Variants in TRIM29 observed in about 807,000 individuals in gnomAD.
TRIM29 encodes the protein tripartite motif-containing protein 29.
A neutral mutation model predicts 57.3 loss-of-function variants in TRIM29; 52 were observed. The observed-to-expected ratio is 0.91, with a 90% CI of 0.73 to 1.14. TRIM29 has a LOEUF of 1.14. Among genes scored for constraint, TRIM29 ranks in the 50% most tolerant of loss-of-function variants. The pLI, the probability that TRIM29 is intolerant of heterozygous loss-of-function variation, is 0.00. For missense variants in TRIM29, 753 were observed against 774.6 expected (o/e 0.97, Z 0.33); for synonymous variants, 319 against 316.9 (o/e 1.01, Z -0.07).
rs1276168084 is a variant in TRIM29, at chr11:120,122,997, T to G, written c.1392A>C (p.Ala464=). Residue 464 remains alanine, a synonymous_variant, in exon 5 of 9, where the codon GCA becomes GCC. Transcript: ENST00000341846. ...TGGAGTATCTCTTCATGGTGTCCGG[T>G]GCACTCCACTCACCCCCGAAGCTGT... ...YTNSFGGEWS[A]PDTMKRYSMY... The G allele has an allele frequency of 6.2e-7, 1 of 1,614,072 alleles. No individual in the cohort carries two copies.
chr11:120,130,222 A>T (rs1863691285), intron 1 of TRIM29, among the ~76,000 whole-genome samples: 2 of 152,122 alleles, frequency 1.3e-5, no homozygotes, highest in South Asian at 4.2e-4. Context: ...AAGAGAGTGG[A>T]CTGGGGGTCT....
In TRIM29 at chr11:120,113,403, AC is replaced by A. The variant is rs373238758; in HGVS notation, c.1705-928del. ...GAAGAGCACAGCTTAGCTGCTGCTC[AC>A]CCACGCAAGCACCATCAGCCCCCGG... On this transcript the variant is annotated intron_variant, in intron 8 of 8. Coordinates refer to ENST00000341846, the MANE Select transcript of TRIM29 (RefSeq NM_012101.4). 58 of 291,100 alleles carry A rather than the reference AC, an allele frequency of 2.0e-4. No homozygotes were observed. In the East Asian group the frequency reaches 3.1e-3, roughly 16 times the overall value. 18.0% of individuals were successfully genotyped at this position (291,100 alleles called of 1,614,324 possible). A position where few individuals can be genotyped will look rare whatever the true frequency, so the allele number is the denominator to read the frequency against.
At chr11:120,133,771 G>A (rs1018497657) in intron 1 of TRIM29, among the ~76,000 whole-genome samples, 1 of 152,258 alleles carries the variant, frequency 6.6e-6, no homozygotes, top group Non-Finnish European at 1.5e-5. Context: ...TTGGGAATGA[G>A]ACGAGAAACA....
intron 4 of TRIM29, chr11:120,125,013 G>C (rs1863550546): frequency 6.6e-6 from 1 of 152,512 alleles, no homozygotes; most frequent in Admixed American, 6.5e-5. Flanking sequence ...CCAGGCTTCA[G>C]GCCCTAAAGG....
intron 1 of TRIM29, among the ~76,000 whole-genome samples, chr11:120,134,548 G>A (rs1863781511): frequency 6.6e-6 from 1 of 152,186 alleles, no homozygotes; most frequent in African/African-American, 2.4e-5. Flanking sequence ...TTCCAGCAGA[G>A]CCAGGCCGAG....
At chr11:120,136,659 C>G (rs1863819472) in intron 1 of TRIM29, among the ~76,000 whole-genome samples, 1 of 152,138 alleles carries the variant, frequency 6.6e-6, no homozygotes, top group African/African-American at 2.4e-5. Flanking sequence ...ACAATAAAAA[C>G]TACAAAGACA....
chr11:120,128,353 G>C lies in TRIM29; in HGVS notation c.900+47C>G, dbSNP rs1198939570. ...CCAAGGCCTGCGTCTTTCCAGGCAG[G>C]CCAGGTCGGGTAAGGGAGCAGCAAG... On this transcript the variant is annotated intron_variant, in intron 2 of 8. Transcript: ENST00000341846. 1.9e-6 allele frequency: 3 copies of C among 1,574,014 alleles called. No individual in the cohort carries two copies. In the South Asian group the frequency reaches 3.3e-5, roughly 18 times the overall value.
chr11:120,135,553 A>T (rs1565321928), intron 1 of TRIM29, among the ~76,000 whole-genome samples: 2 of 152,142 alleles, frequency 1.3e-5, no homozygotes, highest in Non-Finnish European at 2.9e-5. Context: ...TAACCTCCCA[A>T]GTAAACTCCC....
chr11:120,137,677 C>A lies in TRIM29; in HGVS notation c.355G>T (p.Val119Phe). 1 of 1,613,584 alleles carries A rather than the reference C, an allele frequency of 6.2e-7. No homozygotes were observed. ...LQLGAAKKPP[V>F]TFAEKGELRK... ...AGCTCGCCCTTTTCGGCAAAGGTAACGGGTGGCTTCTTGGCAGCCCCCAGC... is the reference window on the plus strand; with the variant it reads ...AGCTCGCCCTTTTCGGCAAAGGTAAAGGGTGGCTTCTTGGCAGCCCCCAGC... The change falls in exon 1 of 9, where the codon GTT (valine) becomes TTT (phenylalanine). Residue 119 changes from valine (V) to phenylalanine (F), a missense_variant. Coordinates refer to ENST00000341846, the MANE Select transcript of TRIM29 (RefSeq NM_012101.4). This position sits in a 1 kb window ranked among gnomAD's most constrained non-coding sequence, Gnocchi z 6.2.
intron 6 of TRIM29, among the ~76,000 whole-genome samples, chr11:120,118,674 A>G (rs530961660): frequency 6.9e-6 from 1 of 145,642 alleles, no homozygotes; most frequent in South Asian, 2.3e-4. Flanking sequence ...CCACCACTGG[A>G]CATTCAAACC....
At chr11:120,127,920 A>G (rs1863630519) in intron 2 of TRIM29, among the ~76,000 whole-genome samples, 1 of 152,182 alleles carries the variant, frequency 6.6e-6, no homozygotes, top group Non-Finnish European at 1.5e-5. Context: ...CAGAAAATGA[A>G]TGTATATGTA....
Position 120,137,151 on chromosome 11 carries a change from A to C in TRIM29, c.804+77T>G, listed in dbSNP as rs185624321. 21 of 1,518,230 alleles carry C rather than the reference A, an allele frequency of 1.4e-5. No homozygotes were observed. The East Asian group carries it at 4.8e-4, about 34-fold the overall frequency. 94.0% of individuals were successfully genotyped at this position (1,518,230 alleles called of 1,614,324 possible). ...TAAGCCCCAAACCCGAGGAAGCCCG[A>C]GTGGAGAAGATGAAGTTCGGAGGGG... On this transcript the variant is annotated intron_variant, in intron 1 of 8. Coordinates refer to ENST00000341846, the MANE Select transcript of TRIM29 (RefSeq NM_012101.4). The surrounding 1 kb of genome is among the most constrained non-coding windows in gnomAD (Gnocchi z 6.2).
chr11:120,123,685 A>C, intron 4 of TRIM29: 5 of 342,390 alleles, frequency 1.5e-5, no homozygotes, highest in Admixed American at 4.0e-5. Flanking sequence ...AGCCACCTCC[A>C]CCCCATTCCT....
At position 120,121,951 on chromosome 11, in the gene TRIM29, C is replaced by T. The variant is rs1038030831; in HGVS notation, c.1435+1003G>A. 8.7e-5 allele frequency: 39 copies of T among 448,496 alleles called. No homozygotes were observed. The Admixed American group carries it at 9.2e-4, about 11-fold the overall frequency. 27.8% of individuals were successfully genotyped at this position (448,496 alleles called of 1,614,324 possible). A position where few individuals can be genotyped will look rare whatever the true frequency, so the allele number is the denominator to read the frequency against. On this transcript the variant is annotated intron_variant, in intron 5 of 8. Coordinates refer to ENST00000341846, the MANE Select transcript of TRIM29 (RefSeq NM_012101.4). ...GAACTTGCCCAAAGGCACAGCACCC[C>T]AGGCAGGGAGGAGGCAGGCTGGCCG...
Position 120,118,256 on chromosome 11 carries a change from C to T in TRIM29, c.1594G>A (p.Val532Ile), listed in dbSNP as rs773150791. Residue 532 changes from valine (V) to isoleucine (I), a missense_variant, in exon 7 of 9, where the codon GTC becomes ATC. Coordinates refer to ENST00000341846, the MANE Select transcript of TRIM29 (RefSeq NM_012101.4). ...GAGAAGGAGGAGCTGCCTTGGACGA[C>T]GGGCAGGTCATTGTCAGAGTTCTGA... Reference protein sequence around the residue: ...SIQNSDNDLPVVQGSSSFSLK... With the variant: ...SIQNSDNDLPIVQGSSSFSLK... 89 of 1,613,882 alleles carry T rather than the reference C, an allele frequency of 5.5e-5. 1 individual carries two copies. Among genetic ancestry groups the T allele is most frequent in the South Asian group, 1.2e-4 (11 of 91,060 alleles).
chr11:120,113,606 G>A (rs1180588029), intron 8 of TRIM29: 1 of 456,166 alleles, frequency 2.2e-6, no homozygotes, highest in Non-Finnish European at 4.4e-6. Flanking sequence ...CCTTGCCTTT[G>A]TGTGGTCCAC....
intron 1 of TRIM29, among the ~76,000 whole-genome samples, chr11:120,135,463 G>T (rs1257930887): frequency 6.6e-6 from 1 of 152,076 alleles, no homozygotes; most frequent in African/African-American, 2.4e-5. Context: ...ACTGGAACTC[G>T]GTCACATTTC....
Position 120,111,937 on chromosome 11 carries a change from G to T in TRIM29, c.*477C>A. ...CAGTCCTCTGGGAAGCAGGAGGTGG[G>T]CCATGTGAATGGGAGATGGGTGGCT... is the stretch of plus-strand genomic sequence containing the variant. On this transcript the variant is annotated 3_prime_UTR_variant, in exon 9 of 9. Transcript: ENST00000341846. 5.7e-6 allele frequency: 1 copy of T among 175,224 alleles called. No individual in the cohort carries two copies. Among genetic ancestry groups the T allele is most frequent in the South Asian group, 1.3e-4 (1 of 7,474 alleles). 10.9% of individuals were successfully genotyped at this position (175,224 alleles called of 1,614,324 possible). A position where few individuals can be genotyped will look rare whatever the true frequency, so the allele number is the denominator to read the frequency against.
rs1863416348 is a variant in TRIM29, at chr11:120,120,591, TG to T, written c.1509del (p.Asn503LysfsTer39). Reference sequence around the variant, plus strand: ...CACCTACCTTTGGTGCCATAGAGATTGTTGAAATTCTTCTGGGTGGTCTCCT... The same window carrying T: ...CACCTACCTTTGGTGCCATAGAGATTTTGAAATTCTTCTGGGTGGTCTCCT... The part of the protein sequence containing the change: ...FTKETTQKNF[N>X]NLYGTKGNYT... On this transcript the variant is annotated frameshift_variant, in exon 6 of 9. Transcript: ENST00000341846. LOFTEE classifies it high-confidence loss of function. The T allele has an allele frequency of 6.2e-7, 1 of 1,613,456 alleles. No individual in the cohort carries two copies. The highest frequency in any genetic ancestry group is 8.5e-7 in the Non-Finnish European group (1 of 1,179,946).
Sources: allele counts gnomAD v4.1 joint callset (sites outside exome capture counted in the v4.1 genomes callset), GRCh38; gene constraint gnomAD v4.1.1; non-coding constraint Gnocchi (gnomAD v3.1); transcripts MANE v1.5; gene names NCBI Gene and HGNC (gene_info 2026-07-23, HGNC 2026-07-21).